Variants in MTMR11 observed in about 807,000 individuals in gnomAD.
MTMR11 encodes the protein myotubularin-related protein 11.
A neutral mutation model predicts 100.0 loss-of-function variants in MTMR11; 89 were observed. The ratio of observed to expected loss-of-function variants is 0.89; its 90% CI spans 0.75 to 1.06. The LOEUF (loss-of-function observed/expected upper bound fraction) is 1.06. Ranked by LOEUF, MTMR11 falls within the 50% of genes least tolerant of loss-of-function variation. MTMR11 has a pLI of 0.00. For synonymous variants in MTMR11, 336 were observed against 326.3 expected (o/e 1.03, Z -0.32); for missense variants, 809 against 873.7 (o/e 0.93, Z 0.93).
intron 10 of MTMR11, 42 bp from the exon 11 acceptor site, chr1:149,932,372 C>T (rs201869270): frequency 7.8e-6 from 12 of 1,536,764 alleles, no homozygotes; most frequent in Middle Eastern, 3.4e-4. Flanking sequence ...GAGATTAGAA[C>T]TCAGGATTCA....
chr1:149,932,056 C>G (rs1223802174), intron 11 of MTMR11, 42 bp from the exon 12 acceptor site: 1 of 1,563,498 alleles, frequency 6.4e-7, no homozygotes, highest in Non-Finnish European at 8.8e-7. Context: ...AATGATAAGC[C>G]TAGGGGAATG....
intron 10 of MTMR11, among the ~76,000 whole-genome samples, chr1:149,933,141 A>G (rs587704526): frequency 1.3e-5 from 2 of 151,920 alleles, no homozygotes; most frequent in East Asian, 3.9e-4. Context: ...TTTTTAGTAG[A>G]AACGGGGTTT....
rs782130893 is a variant in MTMR11, at chr1:149,930,099, T to C, written c.1648-183A>G. 202 of 743,622 alleles carry C rather than the reference T, an allele frequency of 2.7e-4. 1 individual carries two copies. The highest frequency in any genetic ancestry group is 3.7e-4 in the Non-Finnish European group (173 of 462,668). 46.1% of individuals were successfully genotyped at this position (743,622 alleles called of 1,614,324 possible). On this transcript the variant is annotated intron_variant, in intron 15 of 16. Transcript: ENST00000439741. Reference sequence around the variant, plus strand: ...GCTTCAACTAGGCCTCGGGACTGATTAAGGTTGATTTTAGGGCACCTTATG... The same window carrying C: ...GCTTCAACTAGGCCTCGGGACTGATCAAGGTTGATTTTAGGGCACCTTATG...
chr1:149,931,229 T>G (rs2092656190), intron 13 of MTMR11, 31 bp downstream of exon 13: 1 of 1,612,290 alleles, frequency 6.2e-7, no homozygotes, highest in Non-Finnish European at 8.5e-7. Context: ...CTTAGTAATA[T>G]GCCCCCGATG....
In MTMR11 at chr1:149,928,689, GA is replaced by G. The variant is rs1220270034; in HGVS notation, c.*439del. 2.2e-5 allele frequency: 14 copies of G among 629,078 alleles called. No homozygotes were observed. Among genetic ancestry groups the G allele is most frequent in the South Asian group, 1.8e-4 (9 of 50,150 alleles). The allele number at this position is 629,078 out of a possible 1,614,324, so 39.0% of individuals were successfully genotyped here. A position where few individuals can be genotyped will look rare whatever the true frequency, so the allele number is the denominator to read the frequency against. On this transcript the variant is annotated 3_prime_UTR_variant, in exon 17 of 17. Coordinates refer to ENST00000439741, the MANE Select transcript of MTMR11 (RefSeq NM_001145862.2). ...TATGCTTTAATGAGCCCCTTAAATAGAAATTCCACTACAAAAATACAGAGGA... is the reference window on the plus strand; with the variant it reads ...TATGCTTTAATGAGCCCCTTAAATAGAATTCCACTACAAAAATACAGAGGA...
intron 12 of MTMR11, 176 bp from the exon 13 acceptor site, chr1:149,931,602 C>G (rs2101662226): frequency 1.6e-6 from 1 of 619,850 alleles, no homozygotes; most frequent in Non-Finnish European, 2.7e-6. Context: ...TTGAATGATT[C>G]ACTTCCTGGA....
rs781959064 is a variant in MTMR11, at chr1:149,929,837, C to T, written c.1727G>A (p.Cys576Tyr). The change falls in exon 16 of 17, where the codon TGT (cysteine) becomes TAT (tyrosine). Residue 576 changes from cysteine (C) to tyrosine (Y), a missense_variant. Transcript: ENST00000439741. ...CAGGGAAGGACTGTCCCGCCAAGGA[C>T]AGAGCTGATTCAGGGGGGTCAATGC... Reference protein sequence around the residue: ...RGALTPLNQLCPWRDSPSLLA... With the variant: ...RGALTPLNQLYPWRDSPSLLA... The T allele has an allele frequency of 1.2e-6, 2 of 1,614,192 alleles. No homozygotes were observed. The highest frequency in any genetic ancestry group is 2.2e-5 in the East Asian group (1 of 44,882).
chr1:149,936,136 G>C lies in MTMR11; in HGVS notation c.142+18C>G, dbSNP rs200596145. On this transcript the variant is annotated intron_variant, in intron 2 of 16. Transcript: ENST00000439741. ...GATGAAATTTGGAAGTCTTTGGAGA[G>C]TGATAGGGCATTATTACCTGGGAGG... 2.5e-6 allele frequency: 4 copies of C among 1,606,562 alleles called. No individual in the cohort carries two copies. Among genetic ancestry groups the C allele is most frequent in the South Asian group, 1.1e-5 (1 of 90,932 alleles).
In MTMR11 at chr1:149,930,911, G is replaced by A; in HGVS notation, c.1345C>T (p.Pro449Ser). Residue 449 changes from proline (P) to serine (S), a missense_variant, in exon 14 of 17, where the codon CCA becomes TCA. Pro to Ser is a moderately conservative substitution (Grantham distance 74). Transcript: ENST00000439741. ...DCVWQLLQQF[P>S]ADFEFSEFFL... ...AACTCAGAGAATTCAAAATCAGCTG[G>A]AAACTGCTGGAGGAGCTGCCAGACA... 1.2e-6 allele frequency: 2 copies of A among 1,613,170 alleles called. No homozygotes were observed. Among genetic ancestry groups the A allele is most frequent in the South Asian group, 1.1e-5 (1 of 90,910 alleles).
intron 15 of MTMR11, 94 bp from the exon 16 acceptor site, chr1:149,930,010 C>G: frequency 7.8e-7 from 1 of 1,274,358 alleles, no homozygotes; most frequent in Non-Finnish European, 1.1e-6. Flanking sequence ...CTGCCACCCA[C>G]TCACTGCACT....
At chr1:149,931,460 A>T (rs782539192) in intron 12 of MTMR11, 34 bp from the exon 13 acceptor site, 1 of 1,541,370 alleles carries the variant, frequency 6.5e-7, no homozygotes, top group South Asian at 1.3e-5. Context: ...GACAAAGAAG[A>T]GGGGTCCAAG....
At chr1:149,931,123 C>T in intron 13 of MTMR11, 137 bp downstream of exon 13, 1 of 1,376,118 alleles carries the variant, frequency 7.3e-7, no homozygotes, top group East Asian at 2.4e-5. Context: ...TAAGGCCTCA[C>T]TCATCAGGAT....
intron 15 of MTMR11, chr1:149,930,132 G>T: frequency 1.5e-6 from 1 of 675,744 alleles, no homozygotes; most frequent in Non-Finnish European, 2.5e-6. Context: ...ATGTGTGCAC[G>T]AGACAGGAAG....
At chr1:149,936,528 CCTCATCCCCGTT>C (rs2092724679) in intron 1 of MTMR11, 42 bp downstream of exon 1, 4 of 1,355,900 alleles carry the variant, frequency 3.0e-6, no homozygotes, top group Non-Finnish European at 3.1e-6. Flanking sequence ...TTTATCTCCA[CCTCATCCCCGTT>C]CTCACCCTCT....
Position 149,935,363 on chromosome 1 carries a change from G to A in MTMR11, c.265-4C>T, listed in dbSNP as rs2092709560. 1 of 1,613,716 alleles carries A rather than the reference G, an allele frequency of 6.2e-7. No homozygotes were observed. Among genetic ancestry groups the A allele is most frequent in the Non-Finnish European group, 8.5e-7 (1 of 1,179,784 alleles). ...ATTCACTGTTCAAGGGAGTGTCCTA[G>A]ACGAAACACGTGACTGGGTAGACAT... On this transcript the variant is annotated splice_region_variant and splice_polypyrimidine_tract_variant and intron_variant, in intron 3 of 16. Transcript: ENST00000439741.
chr1:149,936,838 A>G lies in MTMR11; in HGVS notation c.-191T>C. 1 of 592,316 alleles carries G rather than the reference A, an allele frequency of 1.7e-6. No homozygotes were observed. The highest frequency in any genetic ancestry group is 3.0e-6 in the Non-Finnish European group (1 of 337,708). The allele number at this position is 592,316 out of a possible 1,614,324, so 36.7% of individuals were successfully genotyped here. A position where few individuals can be genotyped will look rare whatever the true frequency, so the allele number is the denominator to read the frequency against. ...TGGGGGTCCTTGGAAAGGTGTGTCC[A>G]GCCCAGCCTGAGAAGTCTCCTCGGA... On this transcript the variant is annotated 5_prime_UTR_variant, in exon 1 of 17. Coordinates refer to ENST00000439741, the MANE Select transcript of MTMR11 (RefSeq NM_001145862.2).
Position 149,936,865 on chromosome 1 carries a change from A to C in MTMR11, c.-218T>G, listed in dbSNP as rs2092728678. The C allele has an allele frequency of 1.8e-6, 1 of 557,126 alleles. No individual in the cohort carries two copies. Among genetic ancestry groups the C allele is most frequent in the Non-Finnish European group, 3.1e-6 (1 of 319,414 alleles). 34.5% of individuals were successfully genotyped at this position (557,126 alleles called of 1,614,324 possible). On this transcript the variant is annotated 5_prime_UTR_variant, in exon 1 of 17. Transcript: ENST00000439741. ...CCCAGCCTGAGAAGTCTCCTCGGAA[A>C]CTTCAGTCGACTCTGGAGAGGGCGG...
chr1:149,930,089 C>T lies in MTMR11; in HGVS notation c.1648-173G>A, dbSNP rs745674845. 5 of 767,658 alleles carry T rather than the reference C, an allele frequency of 6.5e-6. No individual in the cohort carries two copies. In the East Asian group the frequency reaches 8.1e-5, roughly 12 times the overall value. 47.6% of individuals were successfully genotyped at this position (767,658 alleles called of 1,614,324 possible). On this transcript the variant is annotated intron_variant, in intron 15 of 16. Transcript: ENST00000439741. ...TCCTCATTAGGCTTCAACTAGGCCT[C>T]GGGACTGATTAAGGTTGATTTTAGG...
At chr1:149,932,990 T>C (rs1244090812) in intron 10 of MTMR11, among the ~76,000 whole-genome samples, 1 of 151,068 alleles carries the variant, frequency 6.6e-6, no homozygotes, top group African/African-American at 2.4e-5. Context: ...GTTTCACTCT[T>C]GTCGCCCAGG....
Sources: gnomAD v4.1 joint callset for allele counts (sites outside exome capture counted in the v4.1 genomes callset) on GRCh38, gnomAD v4.1.1 for gene constraint, MANE v1.5 for transcripts, NCBI Gene and HGNC (gene_info 2026-07-23, HGNC 2026-07-21) for gene names.